GLT6D1: variants seen among roughly 807,000 people sequenced by gnomAD.
The protein encoded by GLT6D1 is putative glycosyltransferase 6 domain-containing protein 1.
Under a neutral mutation model 12.3 loss-of-function variants are expected in GLT6D1, and 9 were observed. The observed-to-expected ratio is 0.73, with a 90% confidence interval of 0.44 to 1.27. The LOEUF is 1.27. Among genes scored for constraint, GLT6D1 ranks in the 50% most tolerant of loss-of-function variants. The pLI is 0.00. For synonymous variants in GLT6D1, 128 were observed against 132.3 expected (o/e 0.97, Z 0.23); for missense variants, 335 against 346.2 (o/e 0.97, Z 0.26).
At chr9:135,626,844 T>C (rs562596439) in intron 3 of GLT6D1, among the ~76,000 whole-genome samples, 263 of 152,296 alleles carry the variant, frequency 1.7e-3, no homozygotes, top group African/African-American at 5.7e-3. Context: ...GGATTTAAGA[T>C]AGGCTATTCA....
rs553090563 is a variant in GLT6D1 at position 135,639,424 on chromosome 9, G to A, written c.-138C>T. ...AGCTGCACGTGCACTGTCTCTCCCC[G>A]TGTTCACATCAAAGTCTGCGTTGAT... is the stretch of plus-strand genomic sequence containing the variant. On this transcript the variant is annotated 5_prime_UTR_variant, in exon 1 of 5. It adds an upstream start codon to the 5' untranslated region. Transcript: ENST00000371763. 72 of 386,880 alleles carry A rather than the reference G, an allele frequency of 1.9e-4. No individual in the cohort carries two copies. The highest frequency in any genetic ancestry group is 3.9e-4 in the South Asian group (9 of 23,286). 24.0% of individuals were successfully genotyped at this position (386,880 alleles called of 1,614,324 possible). A position where few individuals can be genotyped will look rare whatever the true frequency, so the allele number is the denominator to read the frequency against.
chr9:135,623,947 A>G lies in GLT6D1; in HGVS notation c.*150T>C, dbSNP rs551158882. ...AATGGAAGGTCTTAAGACTTCCCTC[A>G]TTTATAAGAAATTGCCGTGATTCAT... is the stretch of plus-strand genomic sequence containing the variant. On this transcript the variant is annotated 3_prime_UTR_variant, in exon 5 of 5. Coordinates refer to ENST00000371763, the MANE Select transcript of GLT6D1 (RefSeq NM_182974.3). 162 of 586,800 alleles carry G rather than the reference A, an allele frequency of 2.8e-4. No individual in the cohort carries two copies. The highest frequency in any genetic ancestry group is 5.7e-4 in the Admixed American group (16 of 28,314). The allele number at this position is 586,800 out of a possible 1,614,324, so 36.3% of individuals were successfully genotyped here.
At chr9:135,638,806 C>A (rs1297063806) in intron 2 of GLT6D1, among the ~76,000 whole-genome samples, 1 of 152,198 alleles carries the variant, frequency 6.6e-6, no homozygotes, top group South Asian at 2.1e-4. Context: ...GTATTGATAT[C>A]TTTGGACAAA....
intron 3 of GLT6D1, among the ~76,000 whole-genome samples, chr9:135,626,725 C>A (rs1016678645): frequency 2.0e-5 from 3 of 152,014 alleles, no homozygotes; most frequent in Non-Finnish European, 4.4e-5. Flanking sequence ...TTTTTTTCAG[C>A]TTCTCCCTCA....
At chr9:135,627,759 G>A (rs1833553610) in intron 3 of GLT6D1, among the ~76,000 whole-genome samples, 1 of 152,108 alleles carries the variant, frequency 6.6e-6, no homozygotes, top group South Asian at 2.1e-4. Flanking sequence ...TTCCATAAAG[G>A]CTGCACCATT....
At chr9:135,633,219 C>T (rs1468082680) in intron 2 of GLT6D1, among the ~76,000 whole-genome samples, 1 of 152,010 alleles carries the variant, frequency 6.6e-6, no homozygotes, top group African/African-American at 2.4e-5. Flanking sequence ...AATATTCTCG[C>T]CGGCTGAGAT....
chr9:135,637,233 G>A (rs61456310), intron 2 of GLT6D1, among the ~76,000 whole-genome samples: 1,705 of 150,438 alleles, frequency 0.011, 25 homozygotes, highest in African/African-American at 0.034. Context: ...ATTGAAAGTC[G>A]TCTTGTTCGT....
In GLT6D1 at chr9:135,633,296, C is replaced by A. The variant is rs973967177; in HGVS notation, c.72-1818G>T. Reference sequence around the variant, plus strand: ...AGGCAGTCTTGCTCTGTCTCCCAGGCTGGAGTGCAGTGGTATGATCTCAAC... The same window carrying A: ...AGGCAGTCTTGCTCTGTCTCCCAGGATGGAGTGCAGTGGTATGATCTCAAC... On this transcript the variant is annotated intron_variant, in intron 2 of 4. Transcript: ENST00000371763. Among the ~76,000 whole-genome samples, 53 of 152,252 alleles carry A rather than the reference C, an allele frequency of 3.5e-4. 1 individual carries two copies.
chr9:135,637,364 G>T (rs1833799673), intron 2 of GLT6D1, among the ~76,000 whole-genome samples: 1 of 150,392 alleles, frequency 6.6e-6, no homozygotes. Context: ...CTTGTGCAGG[G>T]TTTGTGTGGA....
At chr9:135,627,293 A>T (rs1224162035) in intron 3 of GLT6D1, among the ~76,000 whole-genome samples, 3 of 152,242 alleles carry the variant, frequency 2.0e-5, no homozygotes, top group East Asian at 1.9e-4. Context: ...AAGTTTCAGG[A>T]TACAAGATCA....
chr9:135,634,247 G>C (rs899695542), intron 2 of GLT6D1, among the ~76,000 whole-genome samples: 18 of 152,148 alleles, frequency 1.2e-4, no homozygotes, highest in Admixed American at 1.2e-3. Context: ...TCCTGCCTCA[G>C]ACTCCCAAGT....
In GLT6D1 at chr9:135,624,307, A is replaced by C. The variant is rs771505045; in HGVS notation, c.621T>G (p.Pro207=). ...WWYFRNTKNF[P]YERRPTSAAC... ...CTGCTGAGGTCGGCCTCCTCTCATAAGGGAAGTTCTTGGTGTTTCTGAAAT... is the reference window on the plus strand; with the variant it reads ...CTGCTGAGGTCGGCCTCCTCTCATACGGGAAGTTCTTGGTGTTTCTGAAAT... The change falls in exon 5 of 5, where the codon CCT becomes CCG. Residue 207 remains proline, a synonymous_variant. Coordinates refer to ENST00000371763, the MANE Select transcript of GLT6D1 (RefSeq NM_182974.3). 6.2e-7 allele frequency: 1 copy of C among 1,608,432 alleles called. No homozygotes were observed. The highest frequency in any genetic ancestry group is 2.2e-5 in the East Asian group (1 of 44,828).
chr9:135,633,916 C>T (rs935400614), intron 2 of GLT6D1, among the ~76,000 whole-genome samples: 9 of 152,114 alleles, frequency 5.9e-5, no homozygotes, highest in African/African-American at 1.9e-4. Context: ...CATGCCAGGC[C>T]CCTGGCTGTG....
intron 3 of GLT6D1, among the ~76,000 whole-genome samples, 156 bp from the exon 4 acceptor site, chr9:135,626,362 A>G (rs1372148618): frequency 1.3e-5 from 2 of 151,816 alleles, no homozygotes; most frequent in Non-Finnish European, 2.9e-5. Context: ...GCAACGCCCT[A>G]TGCAATGAGT....
intron 3 of GLT6D1, among the ~76,000 whole-genome samples, chr9:135,630,811 C>T (rs997363475): frequency 6.6e-6 from 1 of 151,842 alleles, no homozygotes; most frequent in South Asian, 2.1e-4. Flanking sequence ...CATGAAAAAG[C>T]TGGTAATACT....
intron 4 of GLT6D1, 23 bp from the exon 5 acceptor site, chr9:135,624,693 G>A (rs1461686563): frequency 4.9e-6 from 6 of 1,218,904 alleles, no homozygotes; most frequent in South Asian, 1.9e-5. Flanking sequence ...CAGTGGGGAA[G>A]AAACTTACTT....
intron 4 of GLT6D1, among the ~76,000 whole-genome samples, chr9:135,625,205 C>T (rs1019063784): frequency 1.3e-5 from 2 of 152,028 alleles, no homozygotes; most frequent in African/African-American, 4.8e-5. Flanking sequence ...ACCTGGAGGG[C>T]CTGAGAAAAG....
chr9:135,641,047 C>T (rs3893372), upstream of GLT6D1, among the ~76,000 whole-genome samples: 60,916 of 152,004 alleles, frequency 0.4, 13,309 homozygotes, highest in Middle Eastern at 0.51. Context: ...TGACCCAAAC[C>T]CTGATTTTAC....
intron 2 of GLT6D1, among the ~76,000 whole-genome samples, chr9:135,635,684 C>G (rs1054044501): frequency 6.6e-6 from 1 of 152,216 alleles, no homozygotes; most frequent in Admixed American, 6.5e-5. Flanking sequence ...CCAGGGTGTC[C>G]TTCCTCCGAG....
Sources: gnomAD v4.1 joint callset for allele counts (sites outside exome capture counted in the v4.1 genomes callset) on GRCh38, gnomAD v4.1.1 for gene constraint, MANE v1.5 for transcripts, NCBI Gene and HGNC (gene_info 2026-07-23, HGNC 2026-07-21) for gene names.